The following PCCA variants were observed in gnomAD, a reference collection of about 807,000 sequenced individuals.
PCCA encodes propionyl-CoA carboxylase subunit alpha.
A neutral mutation model predicts 101.3 loss-of-function variants in PCCA; 74 were observed. The ratio of observed to expected loss-of-function variants is 0.73; its 90% confidence interval spans 0.61 to 0.89. The LOEUF is 0.89. PCCA is among the 40% of genes least tolerant of loss of function. The probability of loss-of-function intolerance (pLI) is 0.00; values close to 1 mark genes in which losing one functional copy is unlikely to be tolerated. For missense variants in PCCA, 891 were observed against 907.0 expected, an observed-to-expected ratio of 0.98 and a Z score of 0.23; for synonymous variants, 294 against 313.6, an observed-to-expected ratio of 0.94 and a Z score of 0.66.
chr13:100,432,170 T>TAAATAAAC (rs1555457162), intron 20 of PCCA, among the ~76,000 whole-genome samples: 2 of 151,846 alleles, frequency 1.3e-5, no homozygotes, highest in African/African-American at 2.4e-5. Context: ...AATAAATAAA[T>TAAATAAAC]AAACAAACAA....
chr13:100,379,946 T>C (rs2076135900), intron 19 of PCCA, among the ~76,000 whole-genome samples: 1 of 152,120 alleles, frequency 6.6e-6, no homozygotes, highest in Non-Finnish European at 1.5e-5. Context: ...AAGTCCAAGC[T>C]GTATTTTTAT....
At chr13:100,301,700 T>C (rs2152684274) in intron 13 of PCCA, 97 bp downstream of exon 13, 1 of 1,338,778 alleles carries the variant, frequency 7.5e-7, no homozygotes, top group South Asian at 1.2e-5. Flanking sequence ...GGTTTTATAA[T>C]GTTGCCAACT....
At chr13:100,445,391 A>T (rs573357509) in intron 20 of PCCA, among the ~76,000 whole-genome samples, 1 of 124,472 alleles carries the variant, frequency 8.0e-6, no homozygotes, top group African/African-American at 3.0e-5. Context: ...CATTGAGCTA[A>T]TTAACATATA....
At chr13:100,186,717 G>A in intron 6 of PCCA, among the ~76,000 whole-genome samples, 2 of 142,498 alleles carry the variant, frequency 1.4e-5, no homozygotes, top group Middle Eastern at 9.1e-3. Context: ...CTCCAGCCTG[G>A]GTGAGAGTGA....
At chr13:100,510,276 G>C (rs1056590855) in intron 21 of PCCA, among the ~76,000 whole-genome samples, 1 of 151,968 alleles carries the variant, frequency 6.6e-6, no homozygotes, top group African/African-American at 2.4e-5. Flanking sequence ...TTGCTTTCTC[G>C]CCTGTGGCTA....
At chr13:100,360,548 A>G (rs565577593) in intron 18 of PCCA, among the ~76,000 whole-genome samples, 1 of 152,378 alleles carries the variant, frequency 6.6e-6, no homozygotes, top group Admixed American at 6.5e-5. Flanking sequence ...AGCACTAAAC[A>G]TAAAAGGAAA....
At chr13:100,359,897 G>A (rs1157609528) in intron 18 of PCCA, among the ~76,000 whole-genome samples, 46 of 152,216 alleles carry the variant, frequency 3.0e-4, no homozygotes, top group Admixed American at 3.0e-3. Context: ...AGGCCCGATA[G>A]TAATTCTATT....
At chr13:100,263,785 G>A (rs999026557) in intron 10 of PCCA, among the ~76,000 whole-genome samples, 5 of 149,844 alleles carry the variant, frequency 3.3e-5, no homozygotes, top group African/African-American at 1.2e-4. Context: ...TCATATATAC[G>A]GTATCTGTAT....
intron 14 of PCCA, among the ~76,000 whole-genome samples, chr13:100,306,364 AT>A (rs2066452931): frequency 6.6e-6 from 1 of 152,190 alleles, no homozygotes; most frequent in African/African-American, 2.4e-5. Flanking sequence ...AGTCTGAAGT[AT>A]TTTGATTAGC....
At chr13:100,307,078 G>A in intron 14 of PCCA, 114 bp from the exon 15 acceptor site, 1 of 739,266 alleles carries the variant, frequency 1.4e-6, no homozygotes, top group South Asian at 1.6e-5. Flanking sequence ...AAGTTGAAAT[G>A]TTATTTGAGA....
chr13:100,386,586 T>A (rs537438577), intron 19 of PCCA, among the ~76,000 whole-genome samples: 5 of 152,232 alleles, frequency 3.3e-5, no homozygotes, highest in Non-Finnish European at 5.9e-5. Context: ...TTTCACTGTG[T>A]TAGCCAGGAT....
At chr13:100,101,980 C>T (rs2047325824) in intron 1 of PCCA, among the ~76,000 whole-genome samples, 3 of 152,086 alleles carry the variant, frequency 2.0e-5, no homozygotes, top group Admixed American at 6.5e-5. Context: ...TTATTTGAGT[C>T]GTTATCATCT....
Position 100,160,055 on chromosome 13 carries a change from A to G in PCCA, c.468+2715A>G, listed in dbSNP as rs1250714403. On this transcript the variant is annotated intron_variant, in intron 6 of 23. Transcript: ENST00000376285. Reference sequence around the variant, plus strand: ...AAAATGATTTTTTGATTTTTTTTGCATAACTGCTGTGTATTTGCTTTAGAA... The same window carrying G: ...AAAATGATTTTTTGATTTTTTTTGCGTAACTGCTGTGTATTTGCTTTAGAA... Among the ~76,000 whole-genome samples, 3 of 152,096 alleles carry G rather than the reference A, an allele frequency of 2.0e-5. No homozygotes were observed. The East Asian group carries it at 5.8e-4, about 29-fold the overall frequency.
intron 20 of PCCA, among the ~76,000 whole-genome samples, chr13:100,443,106 A>G (rs537184119): frequency 2.6e-5 from 4 of 152,218 alleles, no homozygotes; most frequent in South Asian, 4.1e-4. Context: ...AGACAGAGAA[A>G]TCATTGATTT....
At chr13:100,106,007 G>A (rs182089489) in intron 2 of PCCA, among the ~76,000 whole-genome samples, 3 of 152,026 alleles carry the variant, frequency 2.0e-5, no homozygotes, top group Non-Finnish European at 4.4e-5. Flanking sequence ...AATGTAGTTG[G>A]CCTTTAATTC....
chr13:100,414,185 T>A (rs2078217601), intron 19 of PCCA, among the ~76,000 whole-genome samples: 1 of 152,244 alleles, frequency 6.6e-6, no homozygotes, highest in Non-Finnish European at 1.5e-5. Context: ...ATCTTCACTA[T>A]CATTATGTGT....
intron 7 of PCCA, among the ~76,000 whole-genome samples, chr13:100,219,192 G>C (rs941442963): frequency 1.3e-5 from 2 of 152,106 alleles, no homozygotes; most frequent in African/African-American, 4.8e-5. Flanking sequence ...AATTTGGGTA[G>C]GGGTTTGGAT....
In PCCA at chr13:100,232,351, C is replaced by CGTGTGCGTGTGTGTGT. The variant is rs1555387984; in HGVS notation, c.601-3486_601-3485insCGTGTGTGTGTGTGTG. Among the ~76,000 whole-genome samples, 94 of 131,260 alleles carry CGTGTGCGTGTGTGTGT rather than the reference C, an allele frequency of 7.2e-4. 2 individuals are homozygous for CGTGTGCGTGTGTGTGT. The highest frequency in any genetic ancestry group is 1.8e-3 in the South Asian group (7 of 3,838). The allele number at this position is 131,260 out of a possible 152,430, so 86.1% of individuals were successfully genotyped here. On this transcript the variant is annotated intron_variant, in intron 7 of 23. Coordinates refer to ENST00000376285, the MANE Select transcript of PCCA (RefSeq NM_000282.4). ...TTATGTTTATGTGTGTGTGTGTATG[C>CGTGTGCGTGTGTGTGT]GTGTGTGTGTGTGTGTGTGTGTGTG...
At chr13:100,447,383 C>G (rs2080912261) in intron 20 of PCCA, among the ~76,000 whole-genome samples, 1 of 140,752 alleles carries the variant, frequency 7.1e-6, no homozygotes, top group South Asian at 2.3e-4. Context: ...AACTTTGTCT[C>G]AAAAAAAAAG....
Sources: allele counts gnomAD v4.1 joint callset (sites outside exome capture counted in the v4.1 genomes callset), GRCh38; gene constraint gnomAD v4.1.1; transcripts MANE v1.5; gene names NCBI Gene and HGNC (gene_info 2026-07-23, HGNC 2026-07-21).